Variants in ADGRB3 observed in about 807,000 individuals in gnomAD.
The protein encoded by ADGRB3 is adhesion G protein-coupled receptor B3.
In ADGRB3, 37 loss-of-function variants were observed where a neutral mutation model predicts 193.4. That is an observed-to-expected ratio of 0.19 (90% CI 0.15 to 0.25). The LOEUF is 0.25. ADGRB3 is among the 10% of genes least tolerant of loss of function. The pLI is 1.00. For missense variants in ADGRB3, 1,637 were observed against 1,852.9 expected, an observed-to-expected ratio of 0.88 and a Z score of 2.14; for synonymous variants, 690 against 644.2, an observed-to-expected ratio of 1.07 and a Z score of -1.08.
intron 13 of ADGRB3, among the ~76,000 whole-genome samples, chr6:69,036,936 T>A (rs1030617964): frequency 2.0e-5 from 3 of 152,036 alleles, no homozygotes; most frequent in Non-Finnish European, 2.9e-5. Context: ...TTAAGAATGG[T>A]TTATGAGAGA....
At chr6:69,155,945 GTTC>G (rs1774826607) in intron 17 of ADGRB3, among the ~76,000 whole-genome samples, 1 of 151,890 alleles carries the variant, frequency 6.6e-6, no homozygotes, top group South Asian at 2.1e-4. Context: ...GTCTATATTT[GTTC>G]TTATGTTTCT....
intron 3 of ADGRB3, among the ~76,000 whole-genome samples, chr6:68,717,222 T>C (rs1765503577): frequency 6.6e-6 from 1 of 151,748 alleles, no homozygotes; most frequent in African/African-American, 2.4e-5. Context: ...TTTTAAGTGT[T>C]AAACATGCAC....
chr6:68,647,969 G>C (rs1187166209), intron 3 of ADGRB3, among the ~76,000 whole-genome samples: 2 of 151,992 alleles, frequency 1.3e-5, no homozygotes, highest in Non-Finnish European at 2.9e-5. Context: ...AAAATGGTTA[G>C]CATCAATTTG....
rs146320603 is a variant in ADGRB3 at position 68,709,716 on chromosome 6, A to G, written c.757+70284A>G. On this transcript the variant is annotated intron_variant, in intron 3 of 31. Coordinates refer to ENST00000370598, the MANE Select transcript of ADGRB3 (RefSeq NM_001704.3). The stretch of plus-strand genomic sequence containing the variant: ...GGAATATCATTTCCATCAAGGACAT[A>G]GCTCATAAATTAAAATATTAAACCA... 5.3e-5 allele frequency among the ~76,000 whole-genome samples: 8 copies of G among 152,330 alleles called. No homozygotes were observed. The East Asian group carries it at 1.4e-3, about 26-fold the overall frequency.
chr6:69,003,886 G>C (rs1184186365), intron 11 of ADGRB3, among the ~76,000 whole-genome samples: 1 of 152,178 alleles, frequency 6.6e-6, no homozygotes, highest in African/African-American at 2.4e-5. Flanking sequence ...CGTAGGAAGA[G>C]GAAGAGAGGT....
At chr6:68,809,818 TC>T (rs1440933479) in intron 3 of ADGRB3, among the ~76,000 whole-genome samples, 1 of 152,164 alleles carries the variant, frequency 6.6e-6, no homozygotes, top group African/African-American at 2.4e-5. Context: ...CTTTTTTCTC[TC>T]CAATACGTAA....
intron 3 of ADGRB3, among the ~76,000 whole-genome samples, chr6:68,844,395 T>C (rs1768232596): frequency 6.6e-6 from 1 of 151,882 alleles, no homozygotes; most frequent in South Asian, 2.1e-4. Flanking sequence ...AAAGACAAAA[T>C]ACAAAGACAT....
At chr6:69,381,100 T>G (rs907282403) in intron 30 of ADGRB3, among the ~76,000 whole-genome samples, 2 of 151,812 alleles carry the variant, frequency 1.3e-5, no homozygotes, top group Non-Finnish European at 2.9e-5. Flanking sequence ...TGCATGAAAG[T>G]GTTTGTCTCC....
At chr6:69,223,260 A>G (rs1362448437) in intron 17 of ADGRB3, among the ~76,000 whole-genome samples, 1 of 152,188 alleles carries the variant, frequency 6.6e-6, no homozygotes, top group African/African-American at 2.4e-5. Flanking sequence ...AGTATGATTA[A>G]CTCAAGAGTT....
At chr6:68,773,737 A>C (rs1040311077) in intron 3 of ADGRB3, among the ~76,000 whole-genome samples, 2 of 152,184 alleles carry the variant, frequency 1.3e-5, no homozygotes, top group African/African-American at 4.8e-5. Context: ...GGATCAGGAA[A>C]GACCTCCATG....
At chr6:68,739,182 G>C (rs941145849) in intron 3 of ADGRB3, among the ~76,000 whole-genome samples, 20 of 152,126 alleles carry the variant, frequency 1.3e-4, no homozygotes, top group African/African-American at 4.8e-4. Context: ...AAGGTAGAAG[G>C]CTGAATGACC....
chr6:69,265,806 C>T (rs1220221351), intron 20 of ADGRB3, among the ~76,000 whole-genome samples: 1 of 151,932 alleles, frequency 6.6e-6, no homozygotes, highest in African/African-American at 2.4e-5. Context: ...TAACCCAGAT[C>T]TGTGATGGAC....
chr6:68,951,878 C>T (rs1767930906), intron 6 of ADGRB3, among the ~76,000 whole-genome samples: 1 of 152,076 alleles, frequency 6.6e-6, no homozygotes, highest in East Asian at 1.9e-4. Context: ...AAAAGTCAAG[C>T]CTGCCTGCAG....
In ADGRB3 at chr6:69,315,863, A is replaced by G. The variant is rs573976049; in HGVS notation, c.2815-9009A>G. Among the ~76,000 whole-genome samples the G allele has an allele frequency of 1.5e-4, 23 of 151,576 alleles. No homozygotes were observed. In the South Asian group the frequency reaches 4.1e-3, roughly 27 times the overall value. On this transcript the variant is annotated intron_variant, in intron 20 of 31. Coordinates refer to ENST00000370598, the MANE Select transcript of ADGRB3 (RefSeq NM_001704.3). The stretch of plus-strand genomic sequence containing the variant: ...GTTTGTCTTATATTGTTGAAATGTT[A>G]CTATAATTGCAAATAATTATTGATT...
chr6:69,086,982 A>G (rs1772569598), intron 17 of ADGRB3, among the ~76,000 whole-genome samples: 1 of 152,134 alleles, frequency 6.6e-6, no homozygotes, highest in African/African-American at 2.4e-5. Context: ...CGTAATTGTA[A>G]TAAAGTACCA....
chr6:68,907,002 T>A (rs1435456333), intron 3 of ADGRB3, among the ~76,000 whole-genome samples: 1 of 151,942 alleles, frequency 6.6e-6, no homozygotes, highest in South Asian at 2.1e-4. Flanking sequence ...GCAAGTTTAT[T>A]CATCTTTCTA....
At position 69,103,780 on chromosome 6, in the gene ADGRB3, T is replaced by C. The variant is rs892554604; in HGVS notation, c.2480+27742T>C. 2.3e-4 allele frequency among the ~76,000 whole-genome samples: 34 copies of C among 149,956 alleles called. 2 individuals carry two copies. Among genetic ancestry groups the C allele is most frequent in the African/African-American group, 4.9e-5 (2 of 41,118 alleles). Reference sequence around the variant, plus strand: ...ATATTTGTTATTATATTCATTATTATAATATTATTATATTTATTTTATAAA... The same window carrying C: ...ATATTTGTTATTATATTCATTATTACAATATTATTATATTTATTTTATAAA... On this transcript the variant is annotated intron_variant, in intron 17 of 31. Transcript: ENST00000370598.
intron 3 of ADGRB3, among the ~76,000 whole-genome samples, chr6:68,862,219 C>T (rs1207789210): frequency 6.6e-6 from 1 of 151,158 alleles, no homozygotes; most frequent in Non-Finnish European, 1.5e-5. Context: ...CTTCACAAAC[C>T]TCCTCTTTTC....
At chr6:69,310,402 G>C (rs1329068893) in intron 20 of ADGRB3, among the ~76,000 whole-genome samples, 1 of 151,694 alleles carries the variant, frequency 6.6e-6, no homozygotes, top group Non-Finnish European at 1.5e-5. Flanking sequence ...TGAAAATTAA[G>C]TAAAATGGTG....
Sources: allele counts gnomAD v4.1 joint callset (sites outside exome capture counted in the v4.1 genomes callset), GRCh38; gene constraint gnomAD v4.1.1; transcripts MANE v1.5; gene names NCBI Gene and HGNC (gene_info 2026-07-23, HGNC 2026-07-21).